UBE2K: variants seen among roughly 807,000 people sequenced by gnomAD.
The protein encoded by UBE2K is ubiquitin conjugating enzyme E2 K, also known as ubiquitin-conjugating enzyme E2 K.
In UBE2K, 6 loss-of-function variants were observed where a neutral mutation model predicts 30.0. The observed-to-expected ratio is 0.20, with a 90% CI of 0.11 to 0.39. UBE2K has a LOEUF of 0.39. Ranked by LOEUF, UBE2K falls within the 10% of genes least tolerant of loss-of-function variation. UBE2K has a pLI of 1.00. For missense variants in UBE2K, 61 were observed against 241.6 expected (o/e 0.25, Z 4.96); for synonymous variants, 86 against 83.7 (o/e 1.03, Z -0.15).
At chr4:39,760,460 A>G (rs1175793466) in intron 4 of UBE2K, among the ~76,000 whole-genome samples, 1 of 152,214 alleles carries the variant, frequency 6.6e-6, no homozygotes, top group Non-Finnish European at 1.5e-5. Context: ...AGCACTACAT[A>G]AACAGTAAAA....
At chr4:39,753,410 C>G (rs1240957672) in intron 3 of UBE2K, among the ~76,000 whole-genome samples, 2 of 152,186 alleles carry the variant, frequency 1.3e-5, no homozygotes, top group Non-Finnish European at 2.9e-5. Flanking sequence ...TCTTACTTAG[C>G]TTGCATTGTA....
intron 1 of UBE2K, among the ~76,000 whole-genome samples, chr4:39,719,692 T>C (rs575562197): frequency 4.6e-5 from 7 of 152,352 alleles, no homozygotes; most frequent in Admixed American, 1.3e-4. Flanking sequence ...AGCATCTTAC[T>C]TGGTTTTGTC....
At chr4:39,710,619 G>GT (rs1718615139) in intron 1 of UBE2K, among the ~76,000 whole-genome samples, 1 of 151,934 alleles carries the variant, frequency 6.6e-6, no homozygotes, top group African/African-American at 2.4e-5. Flanking sequence ...TAGTATTCTT[G>GT]TTTCACAGAT....
At chr4:39,765,938 T>TAC (rs1231753943) in intron 4 of UBE2K, among the ~76,000 whole-genome samples, 19 of 149,384 alleles carry the variant, frequency 1.3e-4, no homozygotes, top group Non-Finnish European at 3.0e-5. Context: ...CATACATACA[T>TAC]ACACACACAC....
At chr4:39,772,831 G>T (rs1712992310) in intron 4 of UBE2K, among the ~76,000 whole-genome samples, 1 of 151,742 alleles carries the variant, frequency 6.6e-6, no homozygotes, top group South Asian at 2.1e-4. Context: ...GGGATTACAG[G>T]CACATGCCAC....
chr4:39,746,456 C>T (rs572791752), intron 3 of UBE2K, among the ~76,000 whole-genome samples: 1 of 152,284 alleles, frequency 6.6e-6, no homozygotes, highest in African/African-American at 2.4e-5. Flanking sequence ...CCTGTTTTGT[C>T]TATTATTTAA....
At chr4:39,777,301 A>G (rs1028551888) in intron 5 of UBE2K, among the ~76,000 whole-genome samples, 4 of 152,236 alleles carry the variant, frequency 2.6e-5, no homozygotes, top group Admixed American at 1.3e-4. Context: ...ATCGTAAAAA[A>G]TTATTCTAAT....
intron 1 of UBE2K, among the ~76,000 whole-genome samples, chr4:39,731,663 TA>T (rs1438716760): frequency 2.0e-5 from 3 of 149,726 alleles, no homozygotes; most frequent in South Asian, 2.1e-4. Context: ...CTCAAAAAAA[TA>T]AAAAAAAAAT....
chr4:39,744,926 T>TAAATA (rs1720907977), intron 2 of UBE2K, among the ~76,000 whole-genome samples: 1 of 148,396 alleles, frequency 6.7e-6, no homozygotes, highest in Non-Finnish European at 1.5e-5. Context: ...AAAAATAAAT[T>TAAATA]AAATAAAATA....
chr4:39,746,437 A>C (rs1034446340), intron 3 of UBE2K, among the ~76,000 whole-genome samples: 1 of 152,130 alleles, frequency 6.6e-6, no homozygotes. Context: ...TAGGCATTCA[A>C]CTTTATTCCC....
intron 5 of UBE2K, among the ~76,000 whole-genome samples, chr4:39,776,999 T>C (rs1157193312): frequency 1.3e-5 from 2 of 152,192 alleles, no homozygotes; most frequent in Non-Finnish European, 2.9e-5. Flanking sequence ...ATATATAAAT[T>C]ACTTTTAAAA....
intron 1 of UBE2K, among the ~76,000 whole-genome samples, chr4:39,721,528 A>AT (rs1158346824): frequency 4.6e-4 from 69 of 150,128 alleles, no homozygotes; most frequent in African/African-American, 1.0e-3. Flanking sequence ...TAATTTTCAT[A>AT]TTTTTTTTTG....
chr4:39,720,258 T>G (rs907507174), intron 1 of UBE2K, among the ~76,000 whole-genome samples: 10 of 152,118 alleles, frequency 6.6e-5, no homozygotes, highest in African/African-American at 2.4e-4. Context: ...TGTAGTCAGG[T>G]CTTGAATTAG....
intron 4 of UBE2K, chr4:39,771,295 T>C (rs887498324): frequency 5.0e-6 from 8 of 1,612,002 alleles, no homozygotes; most frequent in Non-Finnish European, 4.2e-6. Flanking sequence ...TAAGATGACC[T>C]TGTGGCCTCG....
intron 1 of UBE2K, among the ~76,000 whole-genome samples, chr4:39,704,170 C>T (rs1481535457): frequency 2.6e-5 from 4 of 151,744 alleles, no homozygotes; most frequent in African/African-American, 9.7e-5. Context: ...GCAGGAGAAT[C>T]GTTTGAGTCT....
chr4:39,728,833 T>C (rs953775990), intron 1 of UBE2K, among the ~76,000 whole-genome samples: 197 of 150,396 alleles, frequency 1.3e-3, no homozygotes, highest in African/African-American at 4.4e-3. Flanking sequence ...TTTTGTTTTT[T>C]TTTTTTTGTA....
intron 6 of UBE2K, 36 bp from the exon 7 acceptor site, chr4:39,778,324 G>T: frequency 1.5e-6 from 2 of 1,367,900 alleles, no homozygotes; most frequent in South Asian, 2.4e-5. Flanking sequence ...ATGTTTCCTT[G>T]AGATTTAATT....
intron 1 of UBE2K, among the ~76,000 whole-genome samples, chr4:39,727,520 C>G (rs996722421): frequency 6.6e-6 from 1 of 151,916 alleles, no homozygotes; most frequent in African/African-American, 2.4e-5. Context: ...CACCACCACA[C>G]CCACACCTAC....
At chr4:39,700,198 ATTC>A (rs897514718) in intron 1 of UBE2K, among the ~76,000 whole-genome samples, 2 of 152,156 alleles carry the variant, frequency 1.3e-5, no homozygotes, top group Non-Finnish European at 1.5e-5. Flanking sequence ...TCACCGTGGT[ATTC>A]TTAGTACTAA....
Sources: gnomAD v4.1 joint callset for allele counts (sites outside exome capture counted in the v4.1 genomes callset) on GRCh38, gnomAD v4.1.1 for gene constraint, MANE v1.5 for transcripts, NCBI Gene and HGNC (gene_info 2026-07-23, HGNC 2026-07-21) for gene names.